Variants in CDH12 observed in about 807,000 individuals in gnomAD.
CDH12 encodes cadherin 12, also known as cadherin-12.
A neutral mutation model predicts 74.1 loss-of-function variants in CDH12; 41 were observed. That is an observed-to-expected ratio of 0.55 (90% CI 0.43 to 0.72). CDH12 has a LOEUF of 0.72. Among genes scored for constraint, CDH12 ranks in the 30% least tolerant of loss-of-function variants. The pLI is 0.00. For missense variants in CDH12, 945 were observed against 977.2 expected (o/e 0.97, Z 0.44); for synonymous variants, 399 against 355.0 (o/e 1.12, Z -1.39).
intron 1 of CDH12, among the ~76,000 whole-genome samples, chr5:22,672,122 TTA>T (rs1740935195): frequency 8.0e-6 from 1 of 125,594 alleles, no homozygotes; most frequent in South Asian, 2.3e-4. Flanking sequence ...TAAATATATA[TTA>T]TTTTATATAT....
At chr5:22,286,687 T>C (rs1229141006) in intron 3 of CDH12, among the ~76,000 whole-genome samples, 2 of 152,068 alleles carry the variant, frequency 1.3e-5, no homozygotes, top group Non-Finnish European at 2.9e-5. Context: ...CCTTTTTTTT[T>C]TTTTTAACTT....
chr5:22,599,989 G>T (rs1214238818), intron 1 of CDH12, among the ~76,000 whole-genome samples: 1 of 151,946 alleles, frequency 6.6e-6, no homozygotes, highest in Non-Finnish European at 1.5e-5. Flanking sequence ...TTTCTAATGA[G>T]CACACTATTA....
chr5:22,485,730 T>C (rs759730056), intron 2 of CDH12, among the ~76,000 whole-genome samples: 9 of 152,162 alleles, frequency 5.9e-5, no homozygotes, highest in Non-Finnish European at 1.0e-4. Flanking sequence ...AGGTACAGCA[T>C]GGAAGAAATT....
intron 3 of CDH12, among the ~76,000 whole-genome samples, chr5:22,260,758 G>A (rs1452668946): frequency 4.6e-5 from 7 of 151,874 alleles, no homozygotes; most frequent in Non-Finnish European, 7.4e-5. Context: ...GTGCCTTAAC[G>A]CTTCAGACAA....
intron 1 of CDH12, among the ~76,000 whole-genome samples, chr5:22,764,026 C>A (rs939330922): frequency 6.6e-6 from 1 of 151,436 alleles, no homozygotes; most frequent in African/African-American, 2.4e-5. Context: ...AAGAGTTTTA[C>A]AAAGTTATGA....
intron 6 of CDH12, among the ~76,000 whole-genome samples, chr5:21,907,771 G>A (rs2150060416): frequency 6.6e-6 from 1 of 152,292 alleles, no homozygotes; most frequent in Non-Finnish European, 1.5e-5. Flanking sequence ...AGAATCCAGT[G>A]TCTCTCCCTT....
At chr5:22,015,972 T>C (rs917327681) in intron 5 of CDH12, among the ~76,000 whole-genome samples, 1 of 151,718 alleles carries the variant, frequency 6.6e-6, no homozygotes, top group African/African-American at 2.4e-5. Flanking sequence ...CCCTACTTGG[T>C]AGAAATCTGT....
At chr5:22,552,589 C>G (rs186070438) in intron 1 of CDH12, among the ~76,000 whole-genome samples, 1 of 151,898 alleles carries the variant, frequency 6.6e-6, no homozygotes, top group Non-Finnish European at 1.5e-5. Flanking sequence ...CCACCACACC[C>G]GGCTAATTTT....
intron 6 of CDH12, among the ~76,000 whole-genome samples, chr5:21,945,115 A>G (rs1278269325): frequency 6.6e-6 from 1 of 151,736 alleles, no homozygotes; most frequent in African/African-American, 2.4e-5. Context: ...GACAACAGAC[A>G]CCAACACAGA....
intron 5 of CDH12, among the ~76,000 whole-genome samples, chr5:22,039,136 G>T (rs1739396700): frequency 6.6e-6 from 1 of 152,088 alleles, no homozygotes; most frequent in African/African-American, 2.4e-5. Flanking sequence ...GCAGGATCCA[G>T]GGTCTACTAC....
At chr5:22,075,195 C>T (rs562207640) in intron 5 of CDH12, among the ~76,000 whole-genome samples, 516 of 151,088 alleles carry the variant, frequency 3.4e-3, no homozygotes, top group African/African-American at 0.012. Flanking sequence ...TCATTCTCAG[C>T]AAACTATCGC....
At chr5:22,587,945 C>T (rs1023553297) in intron 1 of CDH12, among the ~76,000 whole-genome samples, 1 of 146,494 alleles carries the variant, frequency 6.8e-6, no homozygotes, top group African/African-American at 2.5e-5. Flanking sequence ...TATATATTAT[C>T]CACCAAATAT....
intron 3 of CDH12, among the ~76,000 whole-genome samples, chr5:22,299,010 T>C (rs552879100): frequency 4.6e-5 from 7 of 152,304 alleles, no homozygotes; most frequent in Non-Finnish European, 1.0e-4. Flanking sequence ...GAGGTAGGGA[T>C]ATAGCAGTTA....
intron 8 of CDH12, among the ~76,000 whole-genome samples, chr5:21,818,755 G>A (rs971096903): frequency 2.0e-5 from 3 of 151,870 alleles, no homozygotes; most frequent in African/African-American, 7.2e-5. Flanking sequence ...CTTTCAAAGA[G>A]GGTATGAGGA....
intron 5 of CDH12, among the ~76,000 whole-genome samples, chr5:22,056,898 C>T (rs1458324495): frequency 6.6e-6 from 1 of 151,988 alleles, no homozygotes; most frequent in Non-Finnish European, 1.5e-5. Context: ...TCTTCCATTG[C>T]ACCTGCTGTT....
chr5:22,011,634 G>T (rs1297516311), intron 5 of CDH12, among the ~76,000 whole-genome samples: 1 of 152,046 alleles, frequency 6.6e-6, no homozygotes. Flanking sequence ...TACTAACTTA[G>T]TCCCTGGTTT....
chr5:22,059,718 C>G (rs1741053018), intron 5 of CDH12, among the ~76,000 whole-genome samples: 1 of 152,000 alleles, frequency 6.6e-6, no homozygotes, highest in Non-Finnish European at 1.5e-5. Flanking sequence ...TTCCAAACCG[C>G]CTCATGTTAT....
intron 1 of CDH12, among the ~76,000 whole-genome samples, chr5:22,520,859 T>A (rs1737024418): frequency 6.6e-6 from 1 of 152,182 alleles, no homozygotes; most frequent in Non-Finnish European, 1.5e-5. Context: ...TCATACTTTG[T>A]TTAGTTACAC....
chr5:22,539,974 T>C (rs1381800885), intron 1 of CDH12, among the ~76,000 whole-genome samples: 1 of 152,206 alleles, frequency 6.6e-6, no homozygotes, highest in African/African-American at 2.4e-5. Context: ...CATGGATCTT[T>C]CTCTAGTTCT....
Sources: allele counts gnomAD v4.1 joint callset (sites outside exome capture counted in the v4.1 genomes callset), GRCh38; gene constraint gnomAD v4.1.1; transcripts MANE v1.5; gene names NCBI Gene and HGNC (gene_info 2026-07-23, HGNC 2026-07-21).